GCC1: variants seen among roughly 807,000 people sequenced by gnomAD.
The protein encoded by GCC1 is GRIP and coiled-coil domain containing 1.
Under a neutral mutation model 62.5 loss-of-function variants are expected in GCC1, and 36 were observed. That is an observed-to-expected ratio of 0.58 (90% CI 0.44 to 0.76). The LOEUF (loss-of-function observed/expected upper bound fraction) is 0.76, where lower values mean the gene tolerates loss of function less well. Ranked by LOEUF, GCC1 falls within the 30% of genes least tolerant of loss-of-function variation. The pLI, the probability that GCC1 is intolerant of heterozygous loss-of-function variation, is 0.00. For missense variants in GCC1, 885 were observed against 948.3 expected (o/e 0.93, Z 0.88); for synonymous variants, 391 against 386.8 (o/e 1.01, Z -0.13).
rs148336273 is a variant in GCC1, at chr7:127,582,223, C to T, written c.2119G>A (p.Glu707Lys). 2.2e-5 allele frequency: 36 copies of T among 1,614,050 alleles called. No individual in the cohort carries two copies. Among genetic ancestry groups the T allele is most frequent in the East Asian group, 2.0e-4 (9 of 44,896 alleles). ...CTGCTCTGGTCCCTGATGTTCTTTTCGATGTGGCTCTGCAGGGCTGCAACC... is the reference window on the plus strand; with the variant it reads ...CTGCTCTGGTCCCTGATGTTCTTTTTGATGTGGCTCTGCAGGGCTGCAACC... ...EEVAALQSHI[E>K]KNIRDQSREG... Residue 707 changes from glutamate to lysine, a missense_variant, in exon 2 of 2, where the codon GAA (glutamate) becomes AAA (lysine). Transcript: ENST00000321407. This position sits in a 1 kb window ranked among gnomAD's most constrained non-coding sequence, Gnocchi z 4.8.
chr7:127,583,035 A>C lies in GCC1; in HGVS notation c.1307T>G (p.Met436Arg). 1 of 1,613,882 alleles carries C rather than the reference A, an allele frequency of 6.2e-7. No homozygotes were observed. Residue 436 changes from methionine (M) to arginine (R), a missense_variant, in exon 2 of 2, where the codon ATG becomes AGG. Coordinates refer to ENST00000321407, the MANE Select transcript of GCC1 (RefSeq NM_024523.6). ...SLDVNVLKDKMEKLKRLLQVA... is the reference protein window; with the variant it reads ...SLDVNVLKDKREKLKRLLQVA... ...CTGCAGCAGCCTCTTCAGCTTCTCCATCTTATCTTTCAGGACATTGACATC... is the reference window on the plus strand; with the variant it reads ...CTGCAGCAGCCTCTTCAGCTTCTCCCTCTTATCTTTCAGGACATTGACATC...
At position 127,582,057 on chromosome 7, in the gene GCC1, C is replaced by A. The variant is rs1417365157; in HGVS notation, c.2285G>T (p.Arg762Leu). 1.2e-6 allele frequency: 2 copies of A among 1,613,972 alleles called. No individual in the cohort carries two copies. The highest frequency in any genetic ancestry group is 1.1e-5 in the South Asian group (1 of 91,066). ...FSPEEKQVIM[R>L]LPTSASWWPS... ...CCACCAGCTGGCACTGGTTGGGAGT[C>A]GCATTATCACTTGTTTCTCCTCTGG... is the stretch of plus-strand genomic sequence containing the variant. Residue 762 changes from arginine to leucine, a missense_variant, in exon 2 of 2, where the codon CGA (arginine) becomes CTA (leucine). Physicochemically the swap from Arg to Leu is moderately radical, Grantham distance 102 (BLOSUM62 -2). Coordinates refer to ENST00000321407, the MANE Select transcript of GCC1 (RefSeq NM_024523.6). The surrounding 1 kb of genome is among the most constrained non-coding windows in gnomAD (Gnocchi z 4.8).
Position 127,582,980 on chromosome 7 carries a change from C to T in GCC1, c.1362G>A (p.Leu454=). 6.2e-7 allele frequency: 1 copy of T among 1,614,182 alleles called. No individual in the cohort carries two copies. Among genetic ancestry groups the T allele is most frequent in the Non-Finnish European group, 8.5e-7 (1 of 1,180,026 alleles). The change falls in exon 2 of 2, where the codon CTG becomes CTA. Residue 454 remains leucine, a synonymous_variant. Transcript: ENST00000321407. This position sits in a 1 kb window ranked among gnomAD's most constrained non-coding sequence, Gnocchi z 4.8. ...CCAGGTCACAGAGCTTCTCCACATC[C>T]AGGGTCACCTGGCTTTTCCTGGCCG... ...QVAARKSQVT[L]DVEKLCDLEI... is the part of the protein sequence containing the mutation.
rs753767197 is a variant in GCC1, at chr7:127,582,683, C to T, written c.1659G>A (p.Lys553=). 4 of 1,613,886 alleles carry T rather than the reference C, an allele frequency of 2.5e-6. No individual in the cohort carries two copies. Among genetic ancestry groups the T allele is most frequent in the East Asian group, 2.2e-5 (1 of 44,894 alleles). ...GCTGCTGCAGCCGGGCCAGCTCCTG[C>T]TTCCAGTCATCAGCCTCCTGCTGGT... ...HQHQQEADDW[K]QELARLQQLH... Residue 553 remains lysine (K), a synonymous_variant, in exon 2 of 2, where the codon AAG becomes AAA. Transcript: ENST00000321407. This position sits in a 1 kb window ranked among gnomAD's most constrained non-coding sequence, Gnocchi z 4.8.
rs142380869 is a variant in GCC1, at chr7:127,584,572, G to A, written c.611C>T (p.Ala204Val). ...CTCCAGGCGGGCCCTCTCCTCCTCC[G>A]CCTTGTTACTGGCATCCTCTAAGTC... ...KQDLEDASNK[A>V]EEERARLEGE... Residue 204 changes from alanine (A) to valine (V), a missense_variant, in exon 1 of 2, where the codon GCG becomes GTG. By Grantham distance (64) the Ala-to-Val change is moderately conservative (BLOSUM62 0). Coordinates refer to ENST00000321407, the MANE Select transcript of GCC1 (RefSeq NM_024523.6). The A allele has an allele frequency of 1.6e-4, 265 of 1,613,860 alleles. No individual in the cohort carries two copies. Among genetic ancestry groups the A allele is most frequent in the Non-Finnish European group, 2.0e-4 (239 of 1,180,024 alleles).
In GCC1 at chr7:127,584,021, T is replaced by C. The variant is rs545336900; in HGVS notation, c.1032+130A>G. Reference sequence around the variant, plus strand: ...GAACAGGACTTCCCAGGTTCACTAGTGGAACTTCTCAGGTGGCATCAAAAA... The same window carrying C: ...GAACAGGACTTCCCAGGTTCACTAGCGGAACTTCTCAGGTGGCATCAAAAA... On this transcript the variant is annotated intron_variant, in intron 1 of 1. Coordinates refer to ENST00000321407, the MANE Select transcript of GCC1 (RefSeq NM_024523.6). 1.2e-4 allele frequency: 90 copies of C among 766,628 alleles called. 1 individual carries two copies. In the South Asian group the frequency reaches 1.6e-3, roughly 13 times the overall value. 47.5% of individuals were successfully genotyped at this position (766,628 alleles called of 1,614,324 possible). A position where few individuals can be genotyped will look rare whatever the true frequency, so the allele number is the denominator to read the frequency against.
At position 127,583,256 on chromosome 7, in the gene GCC1, CCT is replaced by C. The variant is rs1562952047; in HGVS notation, c.1084_1085del (p.Arg362GlyfsTer13). 6.2e-7 allele frequency: 1 copy of C among 1,611,974 alleles called. No homozygotes were observed. Among genetic ancestry groups the C allele is most frequent in the South Asian group, 1.1e-5 (1 of 91,032 alleles). On this transcript the variant is annotated frameshift_variant, in exon 2 of 2. Coordinates refer to ENST00000321407, the MANE Select transcript of GCC1 (RefSeq NM_024523.6). ...LRQQSQVEEQ[R>X]VAALENQISE... ...ATATTTGATTCTCCAGGGCTGCCAC[CCT>C]CTGTTCTTCTACCTGAGATTGCTGA...
chr7:127,582,000 T>G lies in GCC1; in HGVS notation c.*14A>C. On this transcript the variant is annotated 3_prime_UTR_variant, in exon 2 of 2. Transcript: ENST00000321407. Reference sequence around the variant, plus strand: ...AAAGAGGCACAGAAATTCCAGGAATTCATGAAAATGGCATCATCTCTTGCC... The same window carrying G: ...AAAGAGGCACAGAAATTCCAGGAATGCATGAAAATGGCATCATCTCTTGCC... The G allele has an allele frequency of 6.3e-7, 1 of 1,592,358 alleles. No homozygotes were observed. Among genetic ancestry groups the G allele is most frequent in the Admixed American group, 1.7e-5 (1 of 58,230 alleles).
rs573023412 is a variant in GCC1 at position 127,582,442 on chromosome 7, A to G, written c.1900T>C (p.Ser634Pro). ...GGGPGDPADT[S>P]SSDSLTQALQ... is the part of the protein sequence containing the mutation. The stretch of plus-strand genomic sequence containing the variant: ...GCTTGGGTCAGGCTATCAGAGGATG[A>G]TGTGTCAGCTGGGTCCCCAGGACCG... The change falls in exon 2 of 2, where the codon TCA becomes CCA. Residue 634 changes from serine (S) to proline (P), a missense_variant. Ser to Pro is a moderately conservative substitution (Grantham distance 74). Coordinates refer to ENST00000321407, the MANE Select transcript of GCC1 (RefSeq NM_024523.6). The surrounding 1 kb of genome is among the most constrained non-coding windows in gnomAD (Gnocchi z 4.8). 6.2e-7 allele frequency: 1 copy of G among 1,613,844 alleles called. No homozygotes were observed. Among genetic ancestry groups the G allele is most frequent in the African/African-American group, 1.3e-5 (1 of 74,852 alleles).
intron 1 of GCC1, among the ~76,000 whole-genome samples, chr7:127,583,828 A>G (rs1357156580): frequency 6.6e-6 from 1 of 152,162 alleles, no homozygotes; most frequent in East Asian, 1.9e-4. Context: ...AGAGGCACAT[A>G]CCAACAGAAG....
Position 127,584,810 on chromosome 7 carries a change from G to C in GCC1, c.373C>G (p.Pro125Ala). Residue 125 changes from proline (P) to alanine (A), a missense_variant, in exon 1 of 2, where the codon CCA (proline) becomes GCA (alanine). Transcript: ENST00000321407. ...GVEDDRPARG[P>A]PPPKSEEASW... ...GCCTCTTCGGACTTTGGAGGTGGTG[G>C]TCCACGGGCCGGTCTGTCATCTTCT... is the stretch of plus-strand genomic sequence containing the variant. The C allele has an allele frequency of 6.2e-7, 1 of 1,614,156 alleles. No individual in the cohort carries two copies. The highest frequency in any genetic ancestry group is 8.5e-7 in the Non-Finnish European group (1 of 1,180,014).
Position 127,584,403 on chromosome 7 carries a change from C to A in GCC1, c.780G>T (p.Gln260His). ...CTAACCTAAGCTCCAAGTCCTGGCG[C>A]TGGGTCCTCTCCTCCTGCAGCAGCT... ...LQKLLQEERTQRQDLELRLEE... is the reference protein window; with the variant it reads ...LQKLLQEERTHRQDLELRLEE... Residue 260 changes from glutamine to histidine, a missense_variant, in exon 1 of 2, where the codon CAG becomes CAT. Transcript: ENST00000321407. 2 of 1,614,030 alleles carry A rather than the reference C, an allele frequency of 1.2e-6. No individual in the cohort carries two copies. The highest frequency in any genetic ancestry group is 1.7e-6 in the Non-Finnish European group (2 of 1,180,014).
chr7:127,585,589 C>T lies in GCC1; in HGVS notation c.-407G>A. 1 of 167,594 alleles carries T rather than the reference C, an allele frequency of 6.0e-6. No homozygotes were observed. Among genetic ancestry groups the T allele is most frequent in the Non-Finnish European group, 1.3e-5 (1 of 78,478 alleles). 10.4% of individuals were successfully genotyped at this position (167,594 alleles called of 1,614,324 possible). A position where few individuals can be genotyped will look rare whatever the true frequency, so the allele number is the denominator to read the frequency against. On this transcript the variant is annotated 5_prime_UTR_variant, in exon 1 of 2. Transcript: ENST00000321407. ...ACGACATCCTAACTAAAGCTGCCTGCCGACAACGGCGCTTCCGTGTCCGCT... is the reference window on the plus strand; with the variant it reads ...ACGACATCCTAACTAAAGCTGCCTGTCGACAACGGCGCTTCCGTGTCCGCT...
chr7:127,584,679 C>T lies in GCC1; in HGVS notation c.504G>A (p.Leu168=). 6.2e-7 allele frequency: 1 copy of T among 1,614,184 alleles called. No homozygotes were observed. The highest frequency in any genetic ancestry group is 1.3e-5 in the African/African-American group (1 of 75,056). The part of the protein sequence containing the change: ...LHQLKTQLAT[L]TSSLATVTQE... ...GAGTGACTGTAGCCAAAGAACTGGT[C>T]AAAGTAGCCAACTGAGTCTTCAGCT... is the stretch of plus-strand genomic sequence containing the variant. Residue 168 remains leucine (L), a synonymous_variant, in exon 1 of 2, where the codon TTG becomes TTA. Transcript: ENST00000321407.
In GCC1 at chr7:127,582,618, C is replaced by G. The variant is rs1794151101; in HGVS notation, c.1724G>C (p.Arg575Thr). ...QELERCQLDFRDRTLKLEEEL... is the reference protein window; with the variant it reads ...QELERCQLDFTDRTLKLEEEL... The stretch of plus-strand genomic sequence containing the variant: ...CTCCTCCAGTTTCAGTGTGCGGTCC[C>G]TGAAGTCCAGCTGGCACCGCTCCAG... The change falls in exon 2 of 2, where the codon AGG (arginine) becomes ACG (threonine). Residue 575 changes from arginine (R) to threonine (T), a missense_variant. Physicochemically the swap from Arg to Thr is moderately conservative, Grantham distance 71 (BLOSUM62 -1). Coordinates refer to ENST00000321407, the MANE Select transcript of GCC1 (RefSeq NM_024523.6). The surrounding 1 kb of genome is among the most constrained non-coding windows in gnomAD (Gnocchi z 4.8). The G allele has an allele frequency of 6.2e-7, 1 of 1,612,864 alleles. No homozygotes were observed. Among genetic ancestry groups the G allele is most frequent in the Admixed American group, 1.7e-5 (1 of 60,012 alleles).
rs765368431 is a variant in GCC1 at position 127,583,285 on chromosome 7, G to A, written c.1057C>T (p.Arg353Cys). 4.4e-6 allele frequency: 7 copies of A among 1,605,500 alleles called. No individual in the cohort carries two copies. The highest frequency in any genetic ancestry group is 1.7e-5 in the Admixed American group (1 of 59,752). Residue 353 changes from arginine to cysteine, a missense_variant, in exon 2 of 2, where the codon CGT becomes TGT. Coordinates refer to ENST00000321407, the MANE Select transcript of GCC1 (RefSeq NM_024523.6). ...RKTALAEDQLRQQSQVEEQRV... is the reference protein window; with the variant it reads ...RKTALAEDQLCQQSQVEEQRV... ...TGTTCTTCTACCTGAGATTGCTGAC[G>A]GAGTTGATCCTCTGCAAGAGCTGTC...
chr7:127,582,001 C>A lies in GCC1; in HGVS notation c.*13G>T, dbSNP rs1349119449. Reference sequence around the variant, plus strand: ...AAGAGGCACAGAAATTCCAGGAATTCATGAAAATGGCATCATCTCTTGCCA... The same window carrying A: ...AAGAGGCACAGAAATTCCAGGAATTAATGAAAATGGCATCATCTCTTGCCA... On this transcript the variant is annotated 3_prime_UTR_variant, in exon 2 of 2. Coordinates refer to ENST00000321407, the MANE Select transcript of GCC1 (RefSeq NM_024523.6). This position sits in a 1 kb window ranked among gnomAD's most constrained non-coding sequence, Gnocchi z 4.8. 1 of 1,593,610 alleles carries A rather than the reference C, an allele frequency of 6.3e-7. No individual in the cohort carries two copies.
Position 127,582,452 on chromosome 7 carries a change from T to A in GCC1, c.1890A>T (p.Pro630=). The A allele has an allele frequency of 6.2e-7, 1 of 1,614,170 alleles. No homozygotes were observed. Among genetic ancestry groups the A allele is most frequent in the Non-Finnish European group, 8.5e-7 (1 of 1,180,040 alleles). ...SPVGGGGPGD[P]ADTSSSDSLT... ...GGCTATCAGAGGATGATGTGTCAGCTGGGTCCCCAGGACCGCCACCACCCA... is the reference window on the plus strand; with the variant it reads ...GGCTATCAGAGGATGATGTGTCAGCAGGGTCCCCAGGACCGCCACCACCCA... The change falls in exon 2 of 2, where the codon CCA becomes CCT. Residue 630 remains proline (P), a synonymous_variant. Coordinates refer to ENST00000321407, the MANE Select transcript of GCC1 (RefSeq NM_024523.6). The surrounding 1 kb of genome is among the most constrained non-coding windows in gnomAD (Gnocchi z 4.8).
Position 127,584,535 on chromosome 7 carries a change from C to A in GCC1, c.648G>T (p.Lys216Asn), listed in dbSNP as rs1450398173. The A allele has an allele frequency of 1.9e-6, 3 of 1,614,082 alleles. No homozygotes were observed. Among genetic ancestry groups the A allele is most frequent in the Admixed American group, 1.7e-5 (1 of 60,010 alleles). ...EERARLEGEL[K>N]GLQEQIAETK... Reference sequence around the variant, plus strand: ...TTTCTGCTATTTGCTCCTGCAGCCCCTTCAATTCTCCCTCCAGGCGGGCCC... The same window carrying A: ...TTTCTGCTATTTGCTCCTGCAGCCCATTCAATTCTCCCTCCAGGCGGGCCC... Residue 216 changes from lysine (K) to asparagine (N), a missense_variant, in exon 1 of 2, where the codon AAG (lysine) becomes AAT (asparagine). Lys to Asn is a moderately conservative substitution (Grantham distance 94). Coordinates refer to ENST00000321407, the MANE Select transcript of GCC1 (RefSeq NM_024523.6).
Sources: allele counts gnomAD v4.1 joint callset (sites outside exome capture counted in the v4.1 genomes callset), GRCh38; gene constraint gnomAD v4.1.1; non-coding constraint Gnocchi (gnomAD v3.1); transcripts MANE v1.5; gene names NCBI Gene and HGNC (gene_info 2026-07-23, HGNC 2026-07-21).